Variants in LSAMP observed in about 807,000 individuals in gnomAD.
LSAMP encodes limbic system associated membrane protein.
In LSAMP, 7 loss-of-function variants were observed where a neutral mutation model predicts 38.6. That is an observed-to-expected ratio of 0.18 (90% CI 0.10 to 0.34). LSAMP has a LOEUF of 0.34. Ranked by LOEUF, LSAMP falls within the 10% of genes least tolerant of loss-of-function variation. The probability of loss-of-function intolerance (pLI) is 1.00; values close to 1 mark genes in which losing one functional copy is unlikely to be tolerated. For synonymous variants in LSAMP, 154 were observed against 166.8 expected (o/e 0.92, Z 0.59); for missense variants, 313 against 420.0 (o/e 0.75, Z 2.23).
chr3:116,443,402 A>C (rs561396285), intron 1 of LSAMP, among the ~76,000 whole-genome samples: 1 of 152,190 alleles, frequency 6.6e-6, no homozygotes, highest in Non-Finnish European at 1.5e-5. Flanking sequence ...CAGGAAATGA[A>C]GAAAGGAGTG....
At chr3:116,226,598 T>C (rs924763398) in intron 1 of LSAMP, among the ~76,000 whole-genome samples, 2 of 152,222 alleles carry the variant, frequency 1.3e-5, no homozygotes, top group Non-Finnish European at 2.9e-5. Flanking sequence ...CATTTAACAT[T>C]GGTTGTTCAT....
chr3:116,034,742 A>G (rs949543842), intron 2 of LSAMP, among the ~76,000 whole-genome samples: 1 of 152,106 alleles, frequency 6.6e-6, no homozygotes, highest in Non-Finnish European at 1.5e-5. Flanking sequence ...CCAAACTGCA[A>G]ATGTTTAGCT....
intron 3 of LSAMP, among the ~76,000 whole-genome samples, chr3:115,990,198 C>T (rs1192304915): frequency 6.6e-6 from 1 of 151,984 alleles, no homozygotes; most frequent in African/African-American, 2.4e-5. Flanking sequence ...AGAAATCTCC[C>T]TGCACTTGAG....
chr3:116,351,823 A>C (rs945554156), intron 1 of LSAMP, among the ~76,000 whole-genome samples: 3 of 152,218 alleles, frequency 2.0e-5, no homozygotes, highest in Admixed American at 2.0e-4. Context: ...TCTTCAACGA[A>C]GTTCAAGGAA....
At chr3:116,309,882 G>A (rs754502924) in intron 1 of LSAMP, among the ~76,000 whole-genome samples, 15 of 152,122 alleles carry the variant, frequency 9.9e-5, no homozygotes, top group Non-Finnish European at 2.2e-4. Context: ...ACTTTCCTTT[G>A]ATATTGTTTT....
chr3:116,283,598 C>T (rs1288149544), intron 1 of LSAMP, among the ~76,000 whole-genome samples: 5 of 152,044 alleles, frequency 3.3e-5, no homozygotes, highest in Non-Finnish European at 1.5e-5. Context: ...CAGAAAATTC[C>T]TGGTCAAGGG....
intron 1 of LSAMP, among the ~76,000 whole-genome samples, chr3:116,242,673 C>T (rs1162865268): frequency 1.3e-5 from 2 of 151,956 alleles, no homozygotes; most frequent in African/African-American, 4.8e-5. Flanking sequence ...GGCTTTGGTT[C>T]CACTTTCTTT....
At chr3:116,390,337 C>A (rs936109030) in intron 1 of LSAMP, among the ~76,000 whole-genome samples, 1 of 152,032 alleles carries the variant, frequency 6.6e-6, no homozygotes, top group Non-Finnish European at 1.5e-5. Flanking sequence ...AAATGAAAGC[C>A]AATTCTTCCC....
intron 1 of LSAMP, among the ~76,000 whole-genome samples, chr3:116,179,412 G>T (rs1392470080): frequency 1.3e-5 from 2 of 152,090 alleles, no homozygotes; most frequent in Non-Finnish European, 2.9e-5. Flanking sequence ...AGAGGGAAGT[G>T]GTTAGAGAGG....
At chr3:115,886,996 A>C (rs1273871814) in intron 3 of LSAMP, among the ~76,000 whole-genome samples, 1 of 151,910 alleles carries the variant, frequency 6.6e-6, no homozygotes, top group African/African-American at 2.4e-5. Flanking sequence ...CATGACGGAG[A>C]CCTAATATGA....
chr3:116,061,713 C>A (rs2107356982), intron 2 of LSAMP, among the ~76,000 whole-genome samples: 1 of 152,240 alleles, frequency 6.6e-6, no homozygotes, highest in East Asian at 1.9e-4. Flanking sequence ...ACCTCCTGGT[C>A]TGGAATCTAA....
At chr3:116,297,273 G>T (rs2107701262) in intron 1 of LSAMP, among the ~76,000 whole-genome samples, 1 of 152,134 alleles carries the variant, frequency 6.6e-6, no homozygotes, top group South Asian at 2.1e-4. Flanking sequence ...TCTTCAAAAG[G>T]GGTCACTGAA....
At chr3:115,930,618 C>A (rs1358744763) in intron 3 of LSAMP, among the ~76,000 whole-genome samples, 2 of 152,210 alleles carry the variant, frequency 1.3e-5, no homozygotes, top group African/African-American at 4.8e-5. Flanking sequence ...CACTTCTTAA[C>A]TTCTGGATCA....
At chr3:116,262,411 C>T (rs1287931604) in intron 1 of LSAMP, among the ~76,000 whole-genome samples, 1 of 152,160 alleles carries the variant, frequency 6.6e-6, no homozygotes, top group Non-Finnish European at 1.5e-5. Context: ...GACACAAATG[C>T]TGATAAATTT....
At chr3:116,212,752 G>A (rs866820779) in intron 1 of LSAMP, among the ~76,000 whole-genome samples, 2 of 152,066 alleles carry the variant, frequency 1.3e-5, no homozygotes, top group Non-Finnish European at 1.5e-5. Context: ...TAAGCAGTTG[G>A]GTGAGAGTAT....
chr3:116,011,321 A>C (rs1024722331), intron 3 of LSAMP, among the ~76,000 whole-genome samples: 1 of 152,328 alleles, frequency 6.6e-6, no homozygotes, highest in Admixed American at 6.5e-5. Context: ...GTCATCTTGA[A>C]GGTCTTGCAA....
chr3:116,246,784 G>A, intron 1 of LSAMP, among the ~76,000 whole-genome samples: 1 of 152,174 alleles, frequency 6.6e-6, no homozygotes, highest in Non-Finnish European at 1.5e-5. Context: ...TTGGACCAGT[G>A]ATAAATGGGC....
intron 3 of LSAMP, among the ~76,000 whole-genome samples, chr3:116,005,491 A>G (rs1940130159): frequency 6.6e-6 from 1 of 152,058 alleles, no homozygotes; most frequent in African/African-American, 2.4e-5. Context: ...GCAGAACCAC[A>G]CCTTTGACAG....
chr3:116,238,265 CACA>C (rs1311701695), intron 1 of LSAMP, among the ~76,000 whole-genome samples: 1 of 152,192 alleles, frequency 6.6e-6, no homozygotes, highest in Non-Finnish European at 1.5e-5. Flanking sequence ...AAGGTTCACA[CACA>C]ACATTTTGGT....
Sources: allele counts gnomAD v4.1 joint callset (sites outside exome capture counted in the v4.1 genomes callset), GRCh38; gene constraint gnomAD v4.1.1; transcripts MANE v1.5; gene names NCBI Gene and HGNC (gene_info 2026-07-23, HGNC 2026-07-21).